Variants in PAPOLA observed in about 807,000 individuals in gnomAD.
The protein encoded by PAPOLA is poly(A) polymerase alpha.
Under a neutral mutation model 100.6 loss-of-function variants are expected in PAPOLA, and 15 were observed. The ratio of observed to expected loss-of-function variants is 0.15; its 90% CI spans 0.10 to 0.23. The LOEUF (loss-of-function observed/expected upper bound fraction) is 0.23, where lower values mean the gene tolerates loss of function less well. Ranked by LOEUF, PAPOLA falls within the 10% of genes least tolerant of loss-of-function variation. PAPOLA has a pLI of 1.00. For missense variants in PAPOLA, 533 were observed against 884.2 expected, an observed-to-expected ratio of 0.60 and a Z score of 5.04; for synonymous variants, 293 against 300.0, an observed-to-expected ratio of 0.98 and a Z score of 0.24.
At chr14:96,556,074 GT>G (rs1901297213) in intron 18 of PAPOLA, 100 bp from the exon 19 acceptor site, 1 of 1,197,302 alleles carries the variant, frequency 8.4e-7, no homozygotes. Context: ...TTTTTTGCAT[GT>G]AAAGTTATTC....
At chr14:96,536,781 C>T (rs1899568713) in intron 11 of PAPOLA, 195 bp from the exon 12 acceptor site, 1 of 416,086 alleles carries the variant, frequency 2.4e-6, no homozygotes, top group Non-Finnish European at 4.3e-6. Context: ...ACCTGGTTCT[C>T]AAAAAATCTT....
chr14:96,532,264 T>G (rs943485765), intron 7 of PAPOLA, 67 bp from the exon 8 acceptor site: 7 of 1,493,326 alleles, frequency 4.7e-6, no homozygotes, highest in Non-Finnish European at 6.2e-6. Context: ...TAATGTTGTT[T>G]TTTTTTGTTT....
intron 15 of PAPOLA, among the ~76,000 whole-genome samples, chr14:96,546,723 G>A (rs1010938753): frequency 6.6e-6 from 1 of 152,106 alleles, no homozygotes; most frequent in South Asian, 2.1e-4. Context: ...TCAGAACAGG[G>A]TTTGTTACTA....
At position 96,555,838 on chromosome 14, in the gene PAPOLA, T is replaced by C; in HGVS notation, c.1665-9T>C. On this transcript the variant is annotated splice_polypyrimidine_tract_variant and intron_variant, in intron 17 of 21. Transcript: ENST00000216277. The stretch of plus-strand genomic sequence containing the variant: ...ATTTTGAGACAATTTTTAATTTTTT[T>C]TTTTTTAGCAGAAACAGTCCTGCTC... 1 of 1,446,662 alleles carries C rather than the reference T, an allele frequency of 6.9e-7. No homozygotes were observed. The highest frequency in any genetic ancestry group is 1.4e-5 in the South Asian group (1 of 70,074). The allele number at this position is 1,446,662 out of a possible 1,614,324, so 89.6% of individuals were successfully genotyped here.
rs1186604213 is a variant in PAPOLA, at chr14:96,536,044, C to T, written c.1030+45C>T. The T allele has an allele frequency of 1.3e-5, 19 of 1,460,462 alleles. No individual in the cohort carries two copies. The East Asian group carries it at 1.5e-4, about 11-fold the overall frequency. The allele number at this position is 1,460,462 out of a possible 1,614,324, so 90.5% of individuals were successfully genotyped here. A position where few individuals can be genotyped will look rare whatever the true frequency, so the allele number is the denominator to read the frequency against. On this transcript the variant is annotated intron_variant, in intron 11 of 21. Coordinates refer to ENST00000216277, the MANE Select transcript of PAPOLA (RefSeq NM_032632.5). ...CTCTGATTTATACAGGAAGGATTTACGTACCATTGTAGACCCAGTAGTCAG... is the reference window on the plus strand; with the variant it reads ...CTCTGATTTATACAGGAAGGATTTATGTACCATTGTAGACCCAGTAGTCAG...
chr14:96,523,250 A>G (rs1246608486), intron 3 of PAPOLA, among the ~76,000 whole-genome samples: 2 of 152,240 alleles, frequency 1.3e-5, no homozygotes, highest in East Asian at 1.9e-4. Context: ...TTTCTGGGTT[A>G]CAATGATGAT....
rs1035542366 is a variant in PAPOLA, at chr14:96,502,574, G to C, written c.-19G>C. ...GGTTGCGGGGGGGAAGTGACTGGGC[G>C]GTGCCGGCGCCGGAGACGATGCCGT... is the stretch of plus-strand genomic sequence containing the variant. On this transcript the variant is annotated 5_prime_UTR_variant, in exon 1 of 22. Transcript: ENST00000216277. 2 of 1,554,356 alleles carry C rather than the reference G, an allele frequency of 1.3e-6. No homozygotes were observed. Among genetic ancestry groups the C allele is most frequent in the Non-Finnish European group, 1.7e-6 (2 of 1,150,134 alleles).
At chr14:96,532,815 T>TA in intron 9 of PAPOLA, 166 bp downstream of exon 9, 5 of 1,340,220 alleles carry the variant, frequency 3.7e-6, no homozygotes, top group Non-Finnish European at 3.8e-6. Context: ...AAACTGAAAC[T>TA]ATTTTTTTTC....
In PAPOLA at chr14:96,552,592, G is replaced by A; in HGVS notation, c.1634G>A (p.Ser545Asn). 6.2e-7 allele frequency: 1 copy of A among 1,614,120 alleles called. No homozygotes were observed. Among genetic ancestry groups the A allele is most frequent in the Non-Finnish European group, 8.5e-7 (1 of 1,179,968 alleles). The change falls in exon 17 of 22, where the codon AGT (serine) becomes AAT (asparagine). Residue 545 changes from serine to asparagine, a missense_variant. By Grantham distance (46) the Ser-to-Asn change is conservative (BLOSUM62 1). Transcript: ENST00000216277. ...TCACCTACTAGTGCTACGAAGACCA[G>A]TCCATTGAACAGTTCTGGCAGCTCT... is the stretch of plus-strand genomic sequence containing the variant. ...VPSPTSATKT[S>N]PLNSSGSSQG...
At chr14:96,532,262 T>G (rs911874659) in intron 7 of PAPOLA, 69 bp from the exon 8 acceptor site, 74 of 1,463,620 alleles carry the variant, frequency 5.1e-5, no homozygotes, top group Non-Finnish European at 6.3e-5. Flanking sequence ...TTTAATGTTG[T>G]TTTTTTTTGT....
At chr14:96,515,385 G>C (rs947097873) in intron 1 of PAPOLA, among the ~76,000 whole-genome samples, 1 of 152,048 alleles carries the variant, frequency 6.6e-6, no homozygotes, top group African/African-American at 2.4e-5. Flanking sequence ...ATTAGATGTA[G>C]GTATGTATTT....
At chr14:96,558,061 T>G (rs1901513778) in intron 19 of PAPOLA, among the ~76,000 whole-genome samples, 1 of 152,182 alleles carries the variant, frequency 6.6e-6, no homozygotes, top group South Asian at 2.1e-4. Context: ...TTAGAAGATG[T>G]GTTCTGAAAA....
intron 16 of PAPOLA, among the ~76,000 whole-genome samples, chr14:96,549,828 T>G (rs1013344769): frequency 5.3e-5 from 8 of 152,218 alleles, no homozygotes; most frequent in African/African-American, 1.9e-4. Context: ...TCAATTGTAC[T>G]TAAATGTAAA....
intron 1 of PAPOLA, among the ~76,000 whole-genome samples, chr14:96,506,695 G>C (rs1167172841): frequency 6.6e-6 from 1 of 152,132 alleles, no homozygotes; most frequent in Non-Finnish European, 1.5e-5. Context: ...TATAATGTGT[G>C]CTTAAAAAAA....
In PAPOLA at chr14:96,551,558, G is replaced by A. The variant is rs548904418; in HGVS notation, c.1522-922G>A. Among the ~76,000 whole-genome samples the A allele has an allele frequency of 2.6e-5, 4 of 152,238 alleles. No individual in the cohort carries two copies. In the South Asian group the frequency reaches 8.3e-4, roughly 31 times the overall value. On this transcript the variant is annotated intron_variant, in intron 16 of 21. Transcript: ENST00000216277. ...GTTATTTGGGGAACTAGAAAGCAGA[G>A]AATGCAGGCACATGTATAAGGAATG... is the stretch of plus-strand genomic sequence containing the variant.
intron 17 of PAPOLA, among the ~76,000 whole-genome samples, chr14:96,553,947 C>T (rs1339935118): frequency 1.3e-5 from 2 of 152,038 alleles, no homozygotes; most frequent in African/African-American, 4.8e-5. Flanking sequence ...TGTTTTTAGG[C>T]AAATCATGCA....
chr14:96,514,032 G>A (rs1249888949), intron 1 of PAPOLA, among the ~76,000 whole-genome samples: 6 of 152,134 alleles, frequency 3.9e-5, no homozygotes, highest in African/African-American at 1.4e-4. Context: ...GACAGTCAAA[G>A]CCATTTGAGT....
At chr14:96,540,175 A>G (rs188307350) in intron 12 of PAPOLA, among the ~76,000 whole-genome samples, 1 of 152,278 alleles carries the variant, frequency 6.6e-6, no homozygotes, top group Non-Finnish European at 1.5e-5. Flanking sequence ...TCCCTTTATA[A>G]ATAAAGAACA....
chr14:96,535,091 TTC>T, intron 10 of PAPOLA: 1 of 983,332 alleles, frequency 1.0e-6, no homozygotes, highest in Non-Finnish European at 1.2e-6. Flanking sequence ...TCCATTCTGT[TTC>T]TTGGGAAGTT....
Sources: allele counts gnomAD v4.1 joint callset (sites outside exome capture counted in the v4.1 genomes callset), GRCh38; gene constraint gnomAD v4.1.1; transcripts MANE v1.5; gene names NCBI Gene and HGNC (gene_info 2026-07-23, HGNC 2026-07-21).